The following UTS2 variants were observed in gnomAD, a reference collection of about 807,000 sequenced individuals.
The protein encoded by UTS2 is urotensin 2, also known as urotensin-2.
Under a neutral mutation model 12.6 loss-of-function variants are expected in UTS2, and 10 were observed. That is an observed-to-expected ratio of 0.80 (90% CI 0.49 to 1.35). UTS2 has a LOEUF of 1.35. UTS2 is among the 40% of genes most tolerant of loss of function. The pLI is 0.00. For synonymous variants in UTS2, 52 were observed against 50.0 expected (o/e 1.04, Z -0.17); for missense variants, 142 against 143.2 (o/e 0.99, Z 0.04).
chr1:7,891,485 C>T, the UTS2 span, among the ~76,000 whole-genome samples: 1 of 149,726 alleles, frequency 6.7e-6, no homozygotes, highest in African/African-American at 2.5e-5. Flanking sequence ...GAGGTTGCAC[C>T]TCTGAACTCC....
At chr1:7,861,771 C>T in the UTS2 span, among the ~76,000 whole-genome samples, 1 of 152,154 alleles carries the variant, frequency 6.6e-6, no homozygotes, top group African/African-American at 2.4e-5. Context: ...TGGTTAGGTA[C>T]AGCGTCTGGC....
chr1:7,847,691 C>G lies in UTS2; in HGVS notation c.*75G>C. 1 of 1,208,842 alleles carries G rather than the reference C, an allele frequency of 8.3e-7. No individual in the cohort carries two copies. Among genetic ancestry groups the G allele is most frequent in the Non-Finnish European group, 1.2e-6 (1 of 833,858 alleles). The allele number at this position is 1,208,842 out of a possible 1,614,324, so 74.9% of individuals were successfully genotyped here. On this transcript the variant is annotated 3_prime_UTR_variant, in exon 4 of 4. Coordinates refer to ENST00000361696, the MANE Select transcript of UTS2 (RefSeq NM_006786.4). ...GCCTAGTTTTTCTCCACACTGTTTT[C>G]AAATCAAGCATTGTGTTATTTTTCA...
the UTS2 span, among the ~76,000 whole-genome samples, chr1:7,872,670 T>A: frequency 6.6e-6 from 1 of 152,202 alleles, no homozygotes; most frequent in African/African-American, 2.4e-5. Flanking sequence ...CTAGTAGAGG[T>A]TGGTTCATGA....
the UTS2 span, among the ~76,000 whole-genome samples, chr1:7,863,117 T>G: frequency 2.0e-5 from 3 of 149,166 alleles, no homozygotes; most frequent in East Asian, 3.9e-4. Context: ...TGTATTGTAT[T>G]GTATTGTATT....
chr1:7,849,275 C>T (rs139952200), intron 3 of UTS2, among the ~76,000 whole-genome samples: 1,598 of 151,932 alleles, frequency 0.011, 34 homozygotes, highest in African/African-American at 0.036. Flanking sequence ...AGTGCAGTGG[C>T]GCGATCTCAG....
chr1:7,902,146 T>C, the UTS2 span, among the ~76,000 whole-genome samples: 13 of 151,992 alleles, frequency 8.6e-5, no homozygotes, highest in Non-Finnish European at 1.8e-4. Context: ...CACCAGCTCC[T>C]ACAACAGGGT....
the UTS2 span, among the ~76,000 whole-genome samples, chr1:7,885,124 C>T: frequency 8.1e-6 from 1 of 123,786 alleles, no homozygotes; most frequent in South Asian, 2.4e-4. Flanking sequence ...TCCATCCACC[C>T]ACCTATCATC....
In UTS2 at chr1:7,849,664, A is replaced by G. The variant is rs917847869; in HGVS notation, c.234T>C (p.Phe78=). Residue 78 remains phenylalanine (F), a synonymous_variant, in exon 3 of 4, where the codon TTT becomes TTC. Coordinates refer to ENST00000361696, the MANE Select transcript of UTS2 (RefSeq NM_006786.4). The part of the protein sequence containing the change: ...LRKADSSTNI[F]NPRGNLRKFQ... The stretch of plus-strand genomic sequence containing the variant: ...CCTTTCTCAAATTTCCTCTTGGGTT[A>G]AAAATGTTGGTACTTGAGTCTGAAA... The G allele has an allele frequency of 1.4e-5, 23 of 1,610,418 alleles. No individual in the cohort carries two copies. Among genetic ancestry groups the G allele is most frequent in the Non-Finnish European group, 1.9e-5 (22 of 1,179,254 alleles).
chr1:7,872,172 G>T, the UTS2 span, among the ~76,000 whole-genome samples: 1 of 151,394 alleles, frequency 6.6e-6, no homozygotes, highest in Non-Finnish European at 1.5e-5. Flanking sequence ...GTGGTGGCAC[G>T]CGCCTATAGT....
chr1:7,905,022 C>T, the UTS2 span, among the ~76,000 whole-genome samples: 1 of 151,910 alleles, frequency 6.6e-6, no homozygotes. Context: ...AGCTAAATAC[C>T]TCTGCGATGG....
At chr1:7,853,243 T>G, upstream of UTS2, 1 of 1,600,712 alleles carries the variant, frequency 6.2e-7, no homozygotes, top group Admixed American at 1.7e-5. Context: ...TGTTGCCTAG[T>G]GTACAAAGTA....
At chr1:7,858,212 A>G (rs930372251), upstream of UTS2, among the ~76,000 whole-genome samples, 1 of 152,252 alleles carries the variant, frequency 6.6e-6, no homozygotes, top group Non-Finnish European at 1.5e-5. Flanking sequence ...CAGACCATCA[A>G]TGACAGTGTC....
the UTS2 span, among the ~76,000 whole-genome samples, chr1:7,893,558 C>A: frequency 1.3e-5 from 2 of 152,052 alleles, no homozygotes; most frequent in Non-Finnish European, 2.9e-5. Flanking sequence ...TCCAGAAATA[C>A]CAATTTTGCA....
At chr1:7,875,980 C>G in the UTS2 span, among the ~76,000 whole-genome samples, 1 of 152,154 alleles carries the variant, frequency 6.6e-6, no homozygotes, top group African/African-American at 2.4e-5. Context: ...TGCTGGTACC[C>G]AAGCATACTC....
At chr1:7,906,098 G>A in the UTS2 span, among the ~76,000 whole-genome samples, 1 of 152,116 alleles carries the variant, frequency 6.6e-6, no homozygotes, top group Non-Finnish European at 1.5e-5. Flanking sequence ...GCTTTCACTT[G>A]GCCAGCAAGT....
At chr1:7,903,588 C>T in the UTS2 span, among the ~76,000 whole-genome samples, 17 of 151,970 alleles carry the variant, frequency 1.1e-4, no homozygotes, top group Admixed American at 4.6e-4. Context: ...CAGGGTTTCA[C>T]CATGTCGGCC....
intron 1 of UTS2, among the ~76,000 whole-genome samples, chr1:7,851,948 C>T (rs970426636): frequency 6.6e-6 from 1 of 151,858 alleles, no homozygotes; most frequent in Non-Finnish European, 1.5e-5. Flanking sequence ...GAGATGTGTG[C>T]TGTTTCTTTG....
the UTS2 span, among the ~76,000 whole-genome samples, chr1:7,862,978 T>TTATTGTGTTGTGTTG: frequency 1.9e-5 from 1 of 52,116 alleles, no homozygotes; most frequent in African/African-American, 9.3e-5. Flanking sequence ...CGGCCGTTAT[T>TTATTGTGTTGTGTTG]TATTGTGTTG....
the UTS2 span, among the ~76,000 whole-genome samples, chr1:7,876,072 C>T: frequency 3.3e-5 from 5 of 152,216 alleles, no homozygotes; most frequent in African/African-American, 1.2e-4. Flanking sequence ...CCTGGCATAG[C>T]CATCAGTGCC....
Sources: gnomAD v4.1 joint callset for allele counts (sites outside exome capture counted in the v4.1 genomes callset) on GRCh38, gnomAD v4.1.1 for gene constraint, MANE v1.5 for transcripts, NCBI Gene and HGNC (gene_info 2026-07-23, HGNC 2026-07-21) for gene names.